The following ARHGEF11 variants were observed in gnomAD, a reference collection of about 807,000 sequenced individuals.
The protein encoded by ARHGEF11 is Rho guanine exchange factor (GEF) 11.
A neutral mutation model predicts 193.7 loss-of-function variants in ARHGEF11; 55 were observed. The observed-to-expected ratio is 0.28, with a 90% CI of 0.23 to 0.36. The LOEUF is 0.36. Ranked by LOEUF, ARHGEF11 falls within the 10% of genes least tolerant of loss-of-function variation. ARHGEF11 has a pLI of 1.00. For missense variants in ARHGEF11, 1,723 were observed against 2,005.6 expected, an observed-to-expected ratio of 0.86 and a Z score of 2.69; for synonymous variants, 693 against 768.0, an observed-to-expected ratio of 0.90 and a Z score of 1.62.
intron 14 of ARHGEF11, 84 bp downstream of exon 14, chr1:156,961,593 C>T: frequency 8.6e-7 from 1 of 1,167,436 alleles, no homozygotes; most frequent in Non-Finnish European, 1.3e-6. Flanking sequence ...CTCTGTTTGG[C>T]CTGGATGTTT....
chr1:156,938,582 C>T, intron 37 of ARHGEF11, 69 bp from the exon 38 acceptor site: 1 of 1,500,802 alleles, frequency 6.7e-7, no homozygotes, highest in South Asian at 1.2e-5. Context: ...GGAGAGAGAA[C>T]AGGAAGGAGA....
At chr1:156,981,699 T>A (rs1664201028) in intron 3 of ARHGEF11, among the ~76,000 whole-genome samples, 2 of 152,154 alleles carry the variant, frequency 1.3e-5, no homozygotes, top group Non-Finnish European at 2.9e-5. Context: ...GTCTTGGAAC[T>A]CCTGAGCTCA....
At chr1:156,940,548 G>A in intron 35 of ARHGEF11, 123 bp from the exon 36 acceptor site, 1 of 853,246 alleles carries the variant, frequency 1.2e-6, no homozygotes. Flanking sequence ...TGTTTACTGA[G>A]AACTTCCCAT....
intron 14 of ARHGEF11, 40 bp from the exon 15 acceptor site, chr1:156,960,500 C>T (rs758143013): frequency 4.4e-6 from 7 of 1,608,368 alleles, no homozygotes; most frequent in African/African-American, 2.7e-5. Flanking sequence ...GTCAGGTCTG[C>T]ACACTCCAGG....
At chr1:157,013,480 T>G (rs1177636474) in intron 1 of ARHGEF11, among the ~76,000 whole-genome samples, 1 of 152,058 alleles carries the variant, frequency 6.6e-6, no homozygotes, top group African/African-American at 2.4e-5. Context: ...GTGAAGCATT[T>G]CCCTACCTCT....
chr1:157,013,442 T>C (rs1343987561), intron 1 of ARHGEF11, among the ~76,000 whole-genome samples: 1 of 152,090 alleles, frequency 6.6e-6, no homozygotes, highest in African/African-American at 2.4e-5. Flanking sequence ...CAAGCCCCTA[T>C]GAATTCCTCA....
chr1:156,951,649 G>A lies in ARHGEF11; in HGVS notation c.1849C>T (p.Gln617Ter). 1 of 1,614,204 alleles carries A rather than the reference G, an allele frequency of 6.2e-7. No homozygotes were observed. Among genetic ancestry groups the A allele is most frequent in the Non-Finnish European group, 8.5e-7 (1 of 1,180,038 alleles). Residue 617 changes from glutamine to a stop codon, truncating the protein, a stop_gained, in exon 22 of 41, where the codon CAG (glutamine) becomes TAG (stop). Transcript: ENST00000368194. LOFTEE classifies it high-confidence loss of function. ...GTCCCAGGTTCTGGGGCATCATACT[G>A]CTGGTTGTTCTCAAAGTGCTGAATG... ...NIIQHFENNQ[Q>*]YDAPEPGTQR...
intron 1 of ARHGEF11, among the ~76,000 whole-genome samples, chr1:157,041,062 T>A (rs1180472934): frequency 6.6e-6 from 1 of 152,228 alleles, no homozygotes; most frequent in East Asian, 1.9e-4. Context: ...TACTTTGGTT[T>A]GATCCTCACA....
intron 34 of ARHGEF11, 105 bp downstream of exon 34, chr1:156,941,759 C>A: frequency 1.4e-5 from 20 of 1,473,020 alleles, no homozygotes; most frequent in Non-Finnish European, 1.8e-5. Flanking sequence ...GCTAGCATTT[C>A]CCTGTTGTGG....
At chr1:156,942,979 T>C (rs1319122177) in intron 32 of ARHGEF11, among the ~76,000 whole-genome samples, 199 bp from the exon 33 acceptor site, 1 of 152,070 alleles carries the variant, frequency 6.6e-6, no homozygotes, top group Non-Finnish European at 1.5e-5. Context: ...GGACCCCTAA[T>C]GTCATCTTCC....
intron 11 of ARHGEF11, among the ~76,000 whole-genome samples, chr1:156,965,661 T>A (rs1343435882): frequency 6.6e-6 from 1 of 152,244 alleles, no homozygotes; most frequent in Non-Finnish European, 1.5e-5. Flanking sequence ...TCATCTTTTT[T>A]AAATTCTATT....
At chr1:156,979,426 C>T (rs376094381) in intron 4 of ARHGEF11, 140 bp from the exon 5 acceptor site, 1 of 595,808 alleles carries the variant, frequency 1.7e-6, no homozygotes, top group East Asian at 2.9e-5. Context: ...AGTGCAGTGG[C>T]CCATCTCGGC....
intron 1 of ARHGEF11, among the ~76,000 whole-genome samples, chr1:156,993,387 T>C (rs1357275730): frequency 6.6e-6 from 1 of 152,164 alleles, no homozygotes; most frequent in Non-Finnish European, 1.5e-5. Flanking sequence ...ATTAAAGATA[T>C]ATATAATACA....
chr1:156,993,336 A>G (rs1377204090), intron 1 of ARHGEF11, among the ~76,000 whole-genome samples: 1 of 152,190 alleles, frequency 6.6e-6, no homozygotes, highest in African/African-American at 2.4e-5. Flanking sequence ...TATATACATC[A>G]CATGTGCCCA....
Position 157,045,642 on chromosome 1 carries a change from AC to A in ARHGEF11, c.-1313del, listed in dbSNP as rs895234302. ...CCCGGCGCCGCTCGCCCCGCGCCCG[AC>A]CGCCGTGTTCCGGCCTTCGCGGCCG... On this transcript the variant is annotated 5_prime_UTR_variant, in exon 1 of 41. Coordinates refer to ENST00000368194, the MANE Select transcript of ARHGEF11 (RefSeq NM_198236.3). Among the ~76,000 whole-genome samples, 1,035 of 149,520 alleles carry A rather than the reference AC, an allele frequency of 6.9e-3. 14 individuals carry two copies. The highest frequency in any genetic ancestry group is 0.023 in the African/African-American group (959 of 40,972).
At chr1:157,034,531 G>C (rs1671677856) in intron 1 of ARHGEF11, among the ~76,000 whole-genome samples, 1 of 152,240 alleles carries the variant, frequency 6.6e-6, no homozygotes, top group South Asian at 2.1e-4. Context: ...TTTGGTCTTA[G>C]TTCCTGGCAG....
intron 1 of ARHGEF11, among the ~76,000 whole-genome samples, chr1:157,007,181 T>C (rs937144610): frequency 2.0e-5 from 3 of 150,430 alleles, no homozygotes; most frequent in Non-Finnish European, 4.4e-5. Context: ...AATACAGACA[T>C]GAGATGAAAA....
Position 156,948,752 on chromosome 1 carries a change from G to T in ARHGEF11, c.1926-254C>A. 7.0e-7 allele frequency: 1 copy of T among 1,436,048 alleles called. No individual in the cohort carries two copies. The highest frequency in any genetic ancestry group is 9.2e-7 in the Non-Finnish European group (1 of 1,089,958). The allele number at this position is 1,436,048 out of a possible 1,614,324, so 89.0% of individuals were successfully genotyped here. A position where few individuals can be genotyped will look rare whatever the true frequency, so the allele number is the denominator to read the frequency against. On this transcript the variant is annotated intron_variant, in intron 22 of 40. Coordinates refer to ENST00000368194, the MANE Select transcript of ARHGEF11 (RefSeq NM_198236.3). This position sits in a 1 kb window ranked among gnomAD's most constrained non-coding sequence, Gnocchi z 4.2. Reference sequence around the variant, plus strand: ...AGTCATCTTCCTCTGGAGCTATTAGGAAGGGATCCTAACAGGAAGATGAAA... The same window carrying T: ...AGTCATCTTCCTCTGGAGCTATTAGTAAGGGATCCTAACAGGAAGATGAAA...
chr1:156,959,943 C>CCCCCA (rs1553204878), intron 15 of ARHGEF11, among the ~76,000 whole-genome samples: 8 of 97,080 alleles, frequency 8.2e-5, no homozygotes, highest in African/African-American at 3.1e-4. Context: ...CCCCCCCCCC[C>CCCCCA]AAAAAAAACA....
Sources: allele counts gnomAD v4.1 joint callset (sites outside exome capture counted in the v4.1 genomes callset), GRCh38; gene constraint gnomAD v4.1.1; non-coding constraint Gnocchi (gnomAD v3.1); transcripts MANE v1.5; gene names NCBI Gene and HGNC (gene_info 2026-07-23, HGNC 2026-07-21).